The following BCO1 variants were observed in gnomAD, a reference collection of about 807,000 sequenced individuals.
BCO1 encodes the protein beta,beta-carotene 15,15'-dioxygenase.
Under a neutral mutation model 56.3 loss-of-function variants are expected in BCO1, and 54 were observed. That is an observed-to-expected ratio of 0.96 (90% CI 0.77 to 1.20). The LOEUF is 1.20. Among genes scored for constraint, BCO1 ranks in the 50% most tolerant of loss-of-function variants. The probability of loss-of-function intolerance (pLI) is 0.00; values close to 1 mark genes in which losing one functional copy is unlikely to be tolerated. For missense variants in BCO1, 801 were observed against 690.9 expected, an observed-to-expected ratio of 1.16 and a Z score of -1.79; for synonymous variants, 318 against 266.1, an observed-to-expected ratio of 1.20 and a Z score of -1.90.
intron 8 of BCO1, among the ~76,000 whole-genome samples, chr16:81,281,631 C>T (rs1433902403): frequency 6.6e-6 from 1 of 152,176 alleles, no homozygotes; most frequent in African/African-American, 2.4e-5. Flanking sequence ...GCGAAGAAAA[C>T]TAGGCCTGGG....
intron 1 of BCO1, 145 bp from the exon 2 acceptor site, chr16:81,245,330 T>C: frequency 2.3e-6 from 3 of 1,284,306 alleles, no homozygotes; most frequent in South Asian, 1.2e-5. Flanking sequence ...CATTATACAC[T>C]TTCTGGAAAT....
chr16:81,243,744 G>T (rs2151925016), intron 1 of BCO1, among the ~76,000 whole-genome samples: 1 of 152,244 alleles, frequency 6.6e-6, no homozygotes, highest in Admixed American at 6.5e-5. Context: ...CTGGGATTCA[G>T]GTATGCCTCG....
intron 10 of BCO1, among the ~76,000 whole-genome samples, chr16:81,288,659 A>G (rs1239298094): frequency 6.6e-6 from 1 of 152,196 alleles, no homozygotes; most frequent in Non-Finnish European, 1.5e-5. Context: ...TCTATTTTCT[A>G]GGTTTCCACT....
At chr16:81,266,820 C>T (rs55914907) in intron 5 of BCO1, among the ~76,000 whole-genome samples, 3,579 of 152,302 alleles carry the variant, frequency 0.023, 61 homozygotes, top group Non-Finnish European at 0.034. Context: ...CATCCTGCTC[C>T]TCCCAGGCCA....
intron 8 of BCO1, among the ~76,000 whole-genome samples, chr16:81,284,689 TG>T (rs1908072435): frequency 1.3e-5 from 2 of 152,198 alleles, no homozygotes; most frequent in Admixed American, 1.3e-4. Flanking sequence ...CTTGCCATGT[TG>T]AGCAGGTTGG....
In BCO1 at chr16:81,241,835, T is replaced by C. The variant is rs558812080; in HGVS notation, c.64+2863T>C. On this transcript the variant is annotated intron_variant, in intron 1 of 10. Coordinates refer to ENST00000258168, the MANE Select transcript of BCO1 (RefSeq NM_017429.3). Reference sequence around the variant, plus strand: ...AACTGTGCCTGGGTTGACACGTCCATGCAGGGAGCACATGCAAAGGTTTTG... The same window carrying C: ...AACTGTGCCTGGGTTGACACGTCCACGCAGGGAGCACATGCAAAGGTTTTG... Among the ~76,000 whole-genome samples the C allele has an allele frequency of 3.3e-5, 5 of 152,318 alleles. No individual in the cohort carries two copies. The East Asian group carries it at 5.8e-4, about 18-fold the overall frequency.
At position 81,287,394 on chromosome 16, in the gene BCO1, G is replaced by A; in HGVS notation, c.1402G>A (p.Asp468Asn). The A allele has an allele frequency of 6.2e-7, 1 of 1,613,830 alleles. No individual in the cohort carries two copies. Among genetic ancestry groups the A allele is most frequent in the Non-Finnish European group, 8.5e-7 (1 of 1,179,850 alleles). The change falls in exon 10 of 11, where the codon GAT becomes AAT. Residue 468 changes from aspartate (D) to asparagine (N), a missense_variant. Transcript: ENST00000258168. Reference protein sequence around the residue: ...PLFVPAPGAKDEDDGVILSAI... With the variant: ...PLFVPAPGAKNEDDGVILSAI... ...GTTTGTGCCCGCGCCAGGTGCCAAG[G>A]ATGAGGATGACGGTAAGACTCTAAG... is the stretch of plus-strand genomic sequence containing the variant.
chr16:81,284,194 A>AAAC, intron 8 of BCO1, among the ~76,000 whole-genome samples: 1 of 149,908 alleles, frequency 6.7e-6, no homozygotes, highest in South Asian at 2.1e-4. Context: ...CTCCATCTCA[A>AAAC]AACAACAACA....
At chr16:81,251,852 G>GCACACA (rs747747653) in intron 2 of BCO1, among the ~76,000 whole-genome samples, 2 of 140,866 alleles carry the variant, frequency 1.4e-5, no homozygotes, top group African/African-American at 5.4e-5. Context: ...ACACACACAC[G>GCACACA]CACACACACA....
chr16:81,260,457 A>T (rs1423938887), intron 3 of BCO1, among the ~76,000 whole-genome samples: 1 of 152,152 alleles, frequency 6.6e-6, no homozygotes, highest in African/African-American at 2.4e-5. Context: ...TGTTGAGGAG[A>T]GGGAGAGATT....
chr16:81,290,485 A>G lies in BCO1; in HGVS notation c.1552A>G (p.Ile518Val), dbSNP rs1908401498. 1 of 1,614,170 alleles carries G rather than the reference A, an allele frequency of 6.2e-7. No individual in the cohort carries two copies. Among genetic ancestry groups the G allele is most frequent in the East Asian group, 2.2e-5 (1 of 44,876 alleles). Residue 518 changes from isoleucine (I) to valine (V), a missense_variant, in exon 11 of 11, where the codon ATT (isoleucine) becomes GTT (valine). By Grantham distance (29) the Ile-to-Val change is conservative. Transcript: ENST00000258168. ...GCACATGGATCTCCATGGATTATTCATTACAGACATGGACTGGGACACAAA... is the reference window on the plus strand; with the variant it reads ...GCACATGGATCTCCATGGATTATTCGTTACAGACATGGACTGGGACACAAA... ...DMHMDLHGLF[I>V]TDMDWDTKKQ...
chr16:81,276,339 C>G (rs533475537), intron 7 of BCO1, among the ~76,000 whole-genome samples: 1 of 152,348 alleles, frequency 6.6e-6, no homozygotes, highest in South Asian at 2.1e-4. Flanking sequence ...CAGAGGGGTG[C>G]TTCCACCCCC....
At chr16:81,240,573 C>T (rs1022492124) in intron 1 of BCO1, among the ~76,000 whole-genome samples, 24 of 151,936 alleles carry the variant, frequency 1.6e-4, no homozygotes, top group African/African-American at 5.5e-4. Context: ...GGGGTGGTGG[C>T]ATGCACCTGT....
chr16:81,286,082 C>T (rs905722441), intron 9 of BCO1, among the ~76,000 whole-genome samples: 2 of 151,686 alleles, frequency 1.3e-5, no homozygotes, highest in Non-Finnish European at 2.9e-5. Context: ...GAGACAGAGT[C>T]TCATTGTGTT....
chr16:81,290,598 G>C lies in BCO1; in HGVS notation c.*21G>C, dbSNP rs748997373. On this transcript the variant is annotated 3_prime_UTR_variant, in exon 11 of 11. Coordinates refer to ENST00000258168, the MANE Select transcript of BCO1 (RefSeq NM_017429.3). Reference sequence around the variant, plus strand: ...CCTGATGGTGTTGGGGTTTGGGTAGGGGAGGGGAGCTCGGCTGTCAGAACT... The same window carrying C: ...CCTGATGGTGTTGGGGTTTGGGTAGCGGAGGGGAGCTCGGCTGTCAGAACT... 2.5e-6 allele frequency: 4 copies of C among 1,590,858 alleles called. No individual in the cohort carries two copies. The South Asian group carries it at 3.3e-5, about 13-fold the overall frequency.
chr16:81,281,084 T>C (rs913039428), intron 8 of BCO1, 122 bp downstream of exon 8: 7 of 724,154 alleles, frequency 9.7e-6, no homozygotes, highest in South Asian at 1.6e-5. Context: ...GAAAGGGTCT[T>C]GGGATGCCCT....
At chr16:81,250,801 G>A (rs1384213436) in intron 2 of BCO1, among the ~76,000 whole-genome samples, 2 of 151,988 alleles carry the variant, frequency 1.3e-5, no homozygotes, top group Non-Finnish European at 2.9e-5. Context: ...GGTTGGTCTC[G>A]ACCTCCTGAC....
chr16:81,260,271 T>G (rs936131061), intron 3 of BCO1, among the ~76,000 whole-genome samples: 1 of 151,458 alleles, frequency 6.6e-6, no homozygotes, highest in African/African-American at 2.4e-5. Context: ...ATGTTCTCTT[T>G]GCACTCTACA....
intron 5 of BCO1, among the ~76,000 whole-genome samples, chr16:81,266,530 C>T (rs1906839751): frequency 6.6e-6 from 1 of 152,054 alleles, no homozygotes; most frequent in Non-Finnish European, 1.5e-5. Flanking sequence ...TATGAGCCTT[C>T]GAGGTCAGAA....
Sources: allele counts gnomAD v4.1 joint callset (sites outside exome capture counted in the v4.1 genomes callset), GRCh38; gene constraint gnomAD v4.1.1; transcripts MANE v1.5; gene names NCBI Gene and HGNC (gene_info 2026-07-23, HGNC 2026-07-21).